MICU1: variants seen among roughly 807,000 people sequenced by gnomAD.
MICU1 encodes the protein mitochondrial calcium uptake 1.
MICU1 carries 45 observed loss-of-function variants against 56.8 expected under a neutral mutation model. That is an observed-to-expected ratio of 0.79 (90% CI 0.62 to 1.02). MICU1 has a LOEUF of 1.02. MICU1 is among the 50% of genes least tolerant of loss of function. MICU1 has a pLI of 0.00. For synonymous variants in MICU1, 186 were observed against 195.1 expected (o/e 0.95, Z 0.39); for missense variants, 504 against 587.1 (o/e 0.86, Z 1.46).
intron 9 of MICU1, among the ~76,000 whole-genome samples, chr10:72,416,458 C>T (rs1291310432): frequency 6.6e-6 from 1 of 152,066 alleles, no homozygotes; most frequent in East Asian, 1.9e-4. Flanking sequence ...TGATATTCCA[C>T]AAATGACTAA....
intron 1 of MICU1, among the ~76,000 whole-genome samples, chr10:72,569,237 A>ATATATATATATAT: frequency 1.2e-4 from 4 of 34,380 alleles, no homozygotes; most frequent in African/African-American, 4.6e-4. Context: ...ATATATATAT[A>ATATATATATATAT]TTTTTTTTTT....
At chr10:72,612,011 CAAA>C (rs55767300) in intron 1 of MICU1, among the ~76,000 whole-genome samples, 1 of 119,932 alleles carries the variant, frequency 8.3e-6, no homozygotes. Flanking sequence ...ACCAACCAAC[CAAA>C]AAAAAAAAAA....
chr10:72,368,272 C>T lies in MICU1; in HGVS notation c.1354G>A (p.Gly452Ser). ...MRGLEKPKDM[G>S]FTRLMQAMWK... ...ATGGCCTGCATGAGGCGAGTGAAAC[C>T]CATGTCTTTGGGCTTTTCCAGGCCT... The change falls in exon 12 of 12, where the codon GGT becomes AGT. Residue 452 changes from glycine to serine, a missense_variant. Gly to Ser is a moderately conservative substitution (Grantham distance 56). Coordinates refer to ENST00000361114, the MANE Select transcript of MICU1 (RefSeq NM_001195518.2). The T allele has an allele frequency of 6.2e-7, 1 of 1,614,004 alleles. No individual in the cohort carries two copies. Among genetic ancestry groups the T allele is most frequent in the Non-Finnish European group, 8.5e-7 (1 of 1,179,890 alleles).
chr10:72,550,007 G>A (rs997181737), intron 4 of MICU1, among the ~76,000 whole-genome samples: 3 of 150,780 alleles, frequency 2.0e-5, no homozygotes, highest in South Asian at 2.1e-4. Context: ...GCTTAATGAC[G>A]TTTTGGTCAA....
intron 4 of MICU1, among the ~76,000 whole-genome samples, chr10:72,538,552 C>A (rs971405130): frequency 5.3e-5 from 8 of 151,908 alleles, no homozygotes; most frequent in African/African-American, 9.7e-5. Flanking sequence ...TTTTTGTAAG[C>A]CTCACGGTAG....
chr10:72,496,521 T>C (rs1374027921), intron 6 of MICU1, among the ~76,000 whole-genome samples: 3 of 152,118 alleles, frequency 2.0e-5, no homozygotes. Context: ...AGGCTGGTCT[T>C]GAACTCCTCA....
At chr10:72,510,631 A>G (rs111505248) in intron 5 of MICU1, among the ~76,000 whole-genome samples, 5,413 of 149,082 alleles carry the variant, frequency 0.036, 307 homozygotes, top group African/African-American at 0.12. Flanking sequence ...ACATACTATT[A>G]TCTAATTCAG....
At position 72,423,359 on chromosome 10, in the gene MICU1, C is replaced by T; in HGVS notation, c.946G>A (p.Asp316Asn). 1 of 1,613,618 alleles carries T rather than the reference C, an allele frequency of 6.2e-7. No homozygotes were observed. Among genetic ancestry groups the T allele is most frequent in the Non-Finnish European group, 8.5e-7 (1 of 1,179,746 alleles). Residue 316 changes from aspartate to asparagine, a missense_variant, in exon 9 of 12, where the codon GAC (aspartate) becomes AAC (asparagine). Transcript: ENST00000361114. Reference protein sequence around the residue: ...DVLKLEFERHDPVDGRITERQ... With the variant: ...DVLKLEFERHNPVDGRITERQ... Reference sequence around the variant, plus strand: ...TCAGTAATTCTCCCATCCACAGGGTCATGGCGTTCAAACTGGGAGGGAAAC... The same window carrying T: ...TCAGTAATTCTCCCATCCACAGGGTTATGGCGTTCAAACTGGGAGGGAAAC...
chr10:72,574,031 T>G (rs1840680928), intron 1 of MICU1, among the ~76,000 whole-genome samples: 1 of 152,132 alleles, frequency 6.6e-6, no homozygotes, highest in Non-Finnish European at 1.5e-5. Flanking sequence ...CCCCCTTATA[T>G]TTCTGACCCC....
chr10:72,417,019 C>G (rs1246905102), intron 9 of MICU1, among the ~76,000 whole-genome samples: 1 of 152,218 alleles, frequency 6.6e-6, no homozygotes, highest in Non-Finnish European at 1.5e-5. Flanking sequence ...GGTGTGCTCA[C>G]TACTGCATTC....
chr10:72,598,469 T>G (rs987313365), intron 1 of MICU1, among the ~76,000 whole-genome samples: 6 of 152,052 alleles, frequency 3.9e-5, no homozygotes, highest in African/African-American at 1.4e-4. Context: ...TTGGCCAGGC[T>G]GGTCTTGAAC....
In MICU1 at chr10:72,377,424, C is replaced by G. The variant is rs536310017; in HGVS notation, c.1181-1552G>C. Among the ~76,000 whole-genome samples the G allele has an allele frequency of 2.6e-5, 4 of 151,864 alleles. No homozygotes were observed. In the South Asian group the frequency reaches 8.3e-4, roughly 32 times the overall value. On this transcript the variant is annotated intron_variant, in intron 10 of 11. Coordinates refer to ENST00000361114, the MANE Select transcript of MICU1 (RefSeq NM_001195518.2). Reference sequence around the variant, plus strand: ...GGTGAGCCACCACACTCAGCGGGCCCGGCCAATAGTTCAGGATGCATATCT... The same window carrying G: ...GGTGAGCCACCACACTCAGCGGGCCGGGCCAATAGTTCAGGATGCATATCT...
chr10:72,416,841 T>G (rs1589193762), intron 9 of MICU1, among the ~76,000 whole-genome samples: 1 of 152,292 alleles, frequency 6.6e-6, no homozygotes, highest in South Asian at 2.1e-4. Flanking sequence ...ACTCAACATA[T>G]TTATCATTGC....
At chr10:72,403,522 C>T (rs116472460) in intron 10 of MICU1, among the ~76,000 whole-genome samples, 4,576 of 151,438 alleles carry the variant, frequency 0.03, 230 homozygotes, top group African/African-American at 0.11. Context: ...CAGCTAAAAC[C>T]AAAATATTTG....
At chr10:72,386,944 A>G (rs1387005233) in intron 10 of MICU1, among the ~76,000 whole-genome samples, 2 of 152,188 alleles carry the variant, frequency 1.3e-5, no homozygotes, top group Middle Eastern at 3.2e-3. Flanking sequence ...GCCAAGGTCT[A>G]ATTAAGTTTT....
chr10:72,417,003 G>A (rs1239588012), intron 9 of MICU1, among the ~76,000 whole-genome samples: 2 of 152,196 alleles, frequency 1.3e-5, no homozygotes, highest in African/African-American at 4.8e-5. Context: ...CTATGAGGCA[G>A]ACACTGGTGT....
chr10:72,412,429 T>C (rs938037477), intron 9 of MICU1, among the ~76,000 whole-genome samples: 9 of 152,234 alleles, frequency 5.9e-5, no homozygotes, highest in African/African-American at 2.2e-4. Flanking sequence ...AACCGGGCTC[T>C]AGGTGACTAT....
In MICU1 at chr10:72,569,766, T is replaced by C. The variant is rs1312970514; in HGVS notation, c.-1-2972A>G. 2.0e-5 allele frequency among the ~76,000 whole-genome samples: 3 copies of C among 152,096 alleles called. No homozygotes were observed. In the East Asian group the frequency reaches 5.8e-4, roughly 29 times the overall value. On this transcript the variant is annotated intron_variant, in intron 1 of 11. Coordinates refer to ENST00000361114, the MANE Select transcript of MICU1 (RefSeq NM_001195518.2). ...TTAATGTAAATGATTTTTTTCCCTCTAGATTATGACCTTCAGGGCTCAGTA... is the reference window on the plus strand; with the variant it reads ...TTAATGTAAATGATTTTTTTCCCTCCAGATTATGACCTTCAGGGCTCAGTA...
At chr10:72,589,718 A>AGAC (rs1841168879) in intron 1 of MICU1, among the ~76,000 whole-genome samples, 1 of 152,238 alleles carries the variant, frequency 6.6e-6, no homozygotes, top group Non-Finnish European at 1.5e-5. Context: ...CTGAATAGAA[A>AGAC]GACCAGAAAT....
Sources: allele counts gnomAD v4.1 joint callset (sites outside exome capture counted in the v4.1 genomes callset), GRCh38; gene constraint gnomAD v4.1.1; transcripts MANE v1.5; gene names NCBI Gene and HGNC (gene_info 2026-07-23, HGNC 2026-07-21).